Variants in DLGAP1 observed in about 807,000 individuals in gnomAD.
DLGAP1 encodes disks large-associated protein 1.
Under a neutral mutation model 90.8 loss-of-function variants are expected in DLGAP1, and 11 were observed. The observed-to-expected ratio is 0.12, with a 90% CI of 0.08 to 0.20. The LOEUF (loss-of-function observed/expected upper bound fraction) is 0.20. Among genes scored for constraint, DLGAP1 ranks in the 10% least tolerant of loss-of-function variants. The pLI, the probability that DLGAP1 is intolerant of heterozygous loss-of-function variation, is 1.00. For synonymous variants in DLGAP1, 558 were observed against 540.7 expected, an observed-to-expected ratio of 1.03 and a Z score of -0.44; for missense variants, 1,050 against 1,333.8, an observed-to-expected ratio of 0.79 and a Z score of 3.31.
At chr18:3,938,333 G>A (rs954108064) in intron 3 of DLGAP1, among the ~76,000 whole-genome samples, 2 of 152,156 alleles carry the variant, frequency 1.3e-5, no homozygotes, top group African/African-American at 4.8e-5. Context: ...GATACAACAG[G>A]AGGTATGAGG....
chr18:4,452,858 C>A lies in DLGAP1; in HGVS notation c.-267+2148G>T, dbSNP rs115896178. On this transcript the variant is annotated intron_variant, in intron 1 of 12. Coordinates refer to ENST00000315677, the MANE Select transcript of DLGAP1 (RefSeq NM_004746.4). The stretch of plus-strand genomic sequence containing the variant: ...ATTGCTTGTGTGAGATTTAAGAAGC[C>A]TTGTCAGAAAATTATTTTGACATAT... Among the ~76,000 whole-genome samples the A allele has an allele frequency of 2.9e-3, 441 of 152,264 alleles. 1 individual carries two copies. Among genetic ancestry groups the A allele is most frequent in the African/African-American group, 0.01 (421 of 41,560 alleles).
chr18:3,992,411 T>C (rs1340157349), intron 3 of DLGAP1, among the ~76,000 whole-genome samples: 2 of 152,096 alleles, frequency 1.3e-5, no homozygotes, highest in Non-Finnish European at 2.9e-5. Context: ...GGTACGGTGG[T>C]TTACGCCTGT....
rs182577885 is a variant in DLGAP1, at chr18:3,636,377, A to G, written c.1592-54129T>C. ...CAGACCCTATAGAGTGCCCAGTTCA[A>G]TAGAATTTGTTTTCAATTATACTTT... On this transcript the variant is annotated intron_variant, in intron 7 of 12. Coordinates refer to ENST00000315677, the MANE Select transcript of DLGAP1 (RefSeq NM_004746.4). 3.2e-4 allele frequency among the ~76,000 whole-genome samples: 49 copies of G among 151,674 alleles called. 1 individual carries two copies. Among genetic ancestry groups the G allele is most frequent in the African/African-American group, 1.2e-3 (48 of 41,340 alleles).
chr18:3,656,286 G>C (rs2059480291), intron 7 of DLGAP1: 1 of 533,712 alleles, frequency 1.9e-6, no homozygotes. Context: ...GTCTTAACTA[G>C]GTCTCATGGA....
chr18:3,895,903 C>A (rs1030430614), intron 3 of DLGAP1: 2 of 152,198 alleles, frequency 1.3e-5, no homozygotes, highest in African/African-American at 2.4e-5. Context: ...CTCGGTATGT[C>A]ACTGAAGACA....
At chr18:4,241,082 T>C (rs1221539506) in intron 1 of DLGAP1, among the ~76,000 whole-genome samples, 2 of 152,196 alleles carry the variant, frequency 1.3e-5, no homozygotes, top group East Asian at 3.9e-4. Context: ...TTTTGGTTTA[T>C]TAAAAGCCAA....
intron 1 of DLGAP1, among the ~76,000 whole-genome samples, chr18:4,444,610 T>C (rs2083616384): frequency 6.6e-6 from 1 of 152,092 alleles, no homozygotes; most frequent in Non-Finnish European, 1.5e-5. Context: ...AAATGAATGA[T>C]AAAGGAACAT....
At chr18:4,448,667 G>A (rs2083731477) in intron 1 of DLGAP1, among the ~76,000 whole-genome samples, 1 of 152,136 alleles carries the variant, frequency 6.6e-6, no homozygotes, top group Admixed American at 6.5e-5. Flanking sequence ...ATATCCCCAA[G>A]GCTGGCCCAC....
chr18:4,367,814 A>C (rs2081810745), intron 1 of DLGAP1, among the ~76,000 whole-genome samples: 1 of 151,984 alleles, frequency 6.6e-6, no homozygotes, highest in African/African-American at 2.4e-5. Flanking sequence ...GTGCCACTGC[A>C]CTCCAGCCTG....
At chr18:3,777,047 A>G (rs1178021217) in intron 5 of DLGAP1, among the ~76,000 whole-genome samples, 1 of 152,202 alleles carries the variant, frequency 6.6e-6, no homozygotes, top group Non-Finnish European at 1.5e-5. Flanking sequence ...TCAGCCTGAC[A>G]AAGTGTTGGG....
chr18:4,034,033 G>A (rs9675929), intron 2 of DLGAP1, among the ~76,000 whole-genome samples: 25,385 of 138,460 alleles, frequency 0.18, 2,684 homozygotes, highest in African/African-American at 0.3. Flanking sequence ...CACCGCGCCC[G>A]GCCCTTTTTT....
intron 4 of DLGAP1, among the ~76,000 whole-genome samples, chr18:3,857,912 G>C (rs926749322): frequency 6.6e-6 from 1 of 151,958 alleles, no homozygotes; most frequent in Non-Finnish European, 1.5e-5. Flanking sequence ...TGACCAACTT[G>C]ATACTCTCAA....
intron 8 of DLGAP1, chr18:3,580,125 C>T: frequency 9.2e-7 from 1 of 1,092,116 alleles, no homozygotes; most frequent in African/African-American, 1.5e-5. Flanking sequence ...ATTTAGAGAA[C>T]AAAAATAATA....
chr18:3,918,316 C>T (rs138607237), intron 3 of DLGAP1, among the ~76,000 whole-genome samples: 3 of 152,248 alleles, frequency 2.0e-5, no homozygotes, highest in Non-Finnish European at 4.4e-5. Context: ...AAACTGAACA[C>T]GGTAGAAGCC....
At chr18:4,451,319 CAT>C (rs5822823) in intron 1 of DLGAP1, among the ~76,000 whole-genome samples, 1,622 of 152,252 alleles carry the variant, frequency 0.011, 28 homozygotes, top group African/African-American at 0.037. Flanking sequence ...TTCTCAATCA[CAT>C]GTTTTGCTCT....
chr18:3,538,908 G>A (rs151335222), intron 9 of DLGAP1, among the ~76,000 whole-genome samples: 2,955 of 152,254 alleles, frequency 0.019, 58 homozygotes, highest in Non-Finnish European at 0.027. Context: ...TCTTGCAAAG[G>A]ATCCACCTTC....
chr18:4,286,436 T>C (rs1427395951), intron 1 of DLGAP1, among the ~76,000 whole-genome samples: 2 of 152,074 alleles, frequency 1.3e-5, no homozygotes, highest in African/African-American at 4.8e-5. Flanking sequence ...ACATGACTCA[T>C]TTCAAGCACG....
intron 7 of DLGAP1, among the ~76,000 whole-genome samples, chr18:3,714,085 T>G (rs1314118222): frequency 6.6e-6 from 1 of 152,154 alleles, no homozygotes; most frequent in Non-Finnish European, 1.5e-5. Context: ...AGGAAAGAAT[T>G]TTATCTAAGC....
At chr18:4,235,820 G>C (rs2078402859) in intron 1 of DLGAP1, among the ~76,000 whole-genome samples, 1 of 140,248 alleles carries the variant, frequency 7.1e-6, no homozygotes, top group Non-Finnish European at 1.5e-5. Flanking sequence ...CCGCCTCCCG[G>C]GTTCAAGCAA....
Sources: allele counts gnomAD v4.1 joint callset (sites outside exome capture counted in the v4.1 genomes callset), GRCh38; gene constraint gnomAD v4.1.1; transcripts MANE v1.5; gene names NCBI Gene and HGNC (gene_info 2026-07-23, HGNC 2026-07-21).